Variants in GRIA3 observed in about 807,000 individuals in gnomAD.
GRIA3 encodes the protein glutamate ionotropic receptor AMPA type subunit 3.
A neutral mutation model predicts 63.0 loss-of-function variants in GRIA3; 3 were observed. The ratio of observed to expected loss-of-function variants is 0.05; its 90% confidence interval spans 0.02 to 0.12. The LOEUF is 0.12. Ranked by LOEUF, GRIA3 falls within the 10% of genes least tolerant of loss-of-function variation. The pLI, the probability that GRIA3 is intolerant of heterozygous loss-of-function variation, is 1.00. For synonymous variants in GRIA3, 274 were observed against 257.9 expected (o/e 1.06, Z -0.60); for missense variants, 347 against 700.9 (o/e 0.50, Z 5.70).
intron 5 of GRIA3, among the ~76,000 whole-genome samples, chrX:123,368,450 G>A (rs1464843534): frequency 2.7e-5 from 3 of 110,988 alleles, no homozygotes; most frequent in Non-Finnish European, 5.7e-5. Flanking sequence ...GCCTAATGCT[G>A]TTTCATTCAA....
At chrX:123,443,437 G>A (rs1328999038) in intron 12 of GRIA3, among the ~76,000 whole-genome samples, 1 of 111,690 alleles carries the variant, frequency 9.0e-6, no homozygotes, top group East Asian at 2.8e-4. Flanking sequence ...ACTGCAGGTG[G>A]CCAGGTCCAA....
chrX:123,465,218 A>G, intron 13 of GRIA3, 106 bp downstream of exon 13: 1 of 831,304 alleles, frequency 1.2e-6, no homozygotes, highest in South Asian at 2.4e-5. Flanking sequence ...AACTTTTAAA[A>G]GTTTAAAATC....
intron 10 of GRIA3, among the ~76,000 whole-genome samples, chrX:123,415,192 T>C (rs2045530196): frequency 8.9e-6 from 1 of 112,208 alleles, no homozygotes; most frequent in South Asian, 3.7e-4. Context: ...CATTTTTTCA[T>C]GTGTCTGTTG....
intron 3 of GRIA3, among the ~76,000 whole-genome samples, chrX:123,312,270 G>C (rs1349076647): frequency 8.9e-6 from 1 of 112,068 alleles, no homozygotes; most frequent in African/African-American, 3.2e-5. Flanking sequence ...CTCAGAGATG[G>C]GAGTAACCAT....
intron 12 of GRIA3, among the ~76,000 whole-genome samples, chrX:123,462,700 C>G (rs1256775286): frequency 9.0e-6 from 1 of 111,368 alleles, no homozygotes; most frequent in African/African-American, 3.3e-5. Context: ...TCCAAGCAGG[C>G]CCCAAGAAAG....
intron 6 of GRIA3, among the ~76,000 whole-genome samples, chrX:123,395,469 T>C (rs2045408380): frequency 8.9e-6 from 1 of 112,247 alleles, no homozygotes; most frequent in African/African-American, 3.2e-5. Context: ...GGAAGACTGA[T>C]AGTCTGAAAC....
intron 5 of GRIA3, among the ~76,000 whole-genome samples, chrX:123,371,674 G>C (rs1391575931): frequency 9.0e-6 from 1 of 111,386 alleles, no homozygotes; most frequent in African/African-American, 3.3e-5. Flanking sequence ...TTTGCCATTT[G>C]TATCTCTTCT....
intron 2 of GRIA3, among the ~76,000 whole-genome samples, chrX:123,229,726 C>T (rs1434808309): frequency 7.1e-5 from 8 of 112,111 alleles, no homozygotes; most frequent in African/African-American, 2.3e-4. Context: ...CAGAAATCCC[C>T]AGTCTGTGAT....
Position 123,382,390 on chromosome X carries a change from A to G in GRIA3, c.751-12578A>G, listed in dbSNP as rs185412178. 1.9e-3 allele frequency among the ~76,000 whole-genome samples: 215 copies of G among 111,914 alleles called. 2 individuals carry two copies. Among genetic ancestry groups the G allele is most frequent in the African/African-American group, 6.8e-3 (209 of 30,762 alleles). On this transcript the variant is annotated intron_variant, in intron 5 of 15. Transcript: ENST00000620443. ...TGGACACATTTTATCCCATGAGCAC[A>G]GCCAGGCTAATGCCAATTTGCAGTG...
intron 2 of GRIA3, among the ~76,000 whole-genome samples, chrX:123,207,110 C>T (rs1421711335): frequency 3.7e-5 from 4 of 109,355 alleles, no homozygotes; most frequent in Non-Finnish European, 7.6e-5. Context: ...GACGAAGGGA[C>T]CACGGTGATG....
chrX:123,303,561 G>A (rs955571651), intron 3 of GRIA3, among the ~76,000 whole-genome samples: 14 of 110,742 alleles, frequency 1.3e-4, no homozygotes, highest in Non-Finnish European at 2.5e-4. Context: ...TTTCATCTAT[G>A]TTTCATGTTT....
intron 5 of GRIA3, among the ~76,000 whole-genome samples, chrX:123,368,696 G>A (rs992201239): frequency 1.3e-4 from 14 of 108,748 alleles, no homozygotes; most frequent in African/African-American, 3.4e-4. Flanking sequence ...AACTGTGTGG[G>A]CAATTTTACA....
intron 12 of GRIA3, among the ~76,000 whole-genome samples, chrX:123,435,414 T>C (rs1366712580): frequency 8.9e-6 from 1 of 112,161 alleles, no homozygotes; most frequent in Non-Finnish European, 1.9e-5. Context: ...ACCTGTTTCA[T>C]AGAGGAGACA....
intron 12 of GRIA3, among the ~76,000 whole-genome samples, chrX:123,439,924 T>C (rs769510623): frequency 9.0e-6 from 1 of 111,538 alleles, no homozygotes; most frequent in East Asian, 2.8e-4. Context: ...AGTTATCTTT[T>C]CTCCTCTCCT....
In GRIA3 at chrX:123,415,954, G is replaced by C. The variant is rs748713800; in HGVS notation, c.1501-1448G>C. On this transcript the variant is annotated intron_variant, in intron 10 of 15. Transcript: ENST00000620443. ...AGTAGTGTATAGTAGAAACCTGCAA[G>C]TATCTATGGAGTTAGAACATTATGT... 6.3e-5 allele frequency among the ~76,000 whole-genome samples: 7 copies of C among 111,961 alleles called. No individual in the cohort carries two copies. The South Asian group carries it at 2.6e-3, about 42-fold the overall frequency.
intron 2 of GRIA3, among the ~76,000 whole-genome samples, chrX:123,252,392 G>A (rs1174441303): frequency 1.8e-5 from 2 of 112,441 alleles, no homozygotes; most frequent in African/African-American, 6.5e-5. Flanking sequence ...GTGAGCAGTG[G>A]TGCAGATAAT....
At position 123,465,006 on chromosome X, in the gene GRIA3, A is replaced by G; in HGVS notation, c.2218A>G (p.Met740Val). The change falls in exon 13 of 16, where the codon ATG becomes GTG. Residue 740 changes from methionine (M) to valine (V), a missense_variant. By Grantham distance (21) the Met-to-Val change is conservative. Transcript: ENST00000620443. The stretch of plus-strand genomic sequence containing the variant: ...GTTCGCCTTCCTGCTGGAGTCAACC[A>G]TGAATGAGTACATTGAGCAGAGAAA... Reference protein sequence around the residue: ...GKFAFLLESTMNEYIEQRKPC... With the variant: ...GKFAFLLESTVNEYIEQRKPC... The G allele has an allele frequency of 8.3e-7, 1 of 1,209,976 alleles. No individual in the cohort carries two copies. The highest frequency in any genetic ancestry group is 1.1e-6 in the Non-Finnish European group (1 of 893,906).
chrX:123,290,431 G>A (rs1178360591), intron 3 of GRIA3, among the ~76,000 whole-genome samples: 1 of 111,327 alleles, frequency 9.0e-6, no homozygotes, highest in Admixed American at 9.6e-5. Context: ...ACTAATGAAG[G>A]TCAGAAAACA....
chrX:123,318,072 G>A (rs1033732671), intron 3 of GRIA3, among the ~76,000 whole-genome samples: 1 of 112,797 alleles, frequency 8.9e-6, no homozygotes, highest in African/African-American at 3.2e-5. Flanking sequence ...ACCCTCTGAA[G>A]CTGCAGCCTG....
Sources: gnomAD v4.1 joint callset for allele counts (sites outside exome capture counted in the v4.1 genomes callset) on GRCh38, gnomAD v4.1.1 for gene constraint, MANE v1.5 for transcripts, NCBI Gene and HGNC (gene_info 2026-07-23, HGNC 2026-07-21) for gene names.